PZP: variants seen among roughly 807,000 people sequenced by gnomAD.
PZP encodes PZP alpha-2-macroglobulin like.
A neutral mutation model predicts 179.8 loss-of-function variants in PZP; 150 were observed. That is an observed-to-expected ratio of 0.83 (90% confidence interval 0.73 to 0.96). The LOEUF (loss-of-function observed/expected upper bound fraction) is 0.96, where lower values mean the gene tolerates loss of function less well. PZP is among the 40% of genes least tolerant of loss of function. The pLI, the probability that PZP is intolerant of heterozygous loss-of-function variation, is 0.00. For missense variants in PZP, 1,689 were observed against 1,764.0 expected, an observed-to-expected ratio of 0.96 and a Z score of 0.76; for synonymous variants, 624 against 652.3, an observed-to-expected ratio of 0.96 and a Z score of 0.66.
chr12:9,149,615 G>A lies in PZP; in HGVS notation c.4385-13C>T, dbSNP rs377334564. 109 of 1,612,038 alleles carry A rather than the reference G, an allele frequency of 6.8e-5. 2 individuals carry two copies. The African/African-American group carries it at 1.2e-3, about 17-fold the overall frequency. ...ACCACAGACTCATCTGAAAGATAAC[G>A]TTGGGTGAAGGAAGAAACGAAAGAT... On this transcript the variant is annotated splice_polypyrimidine_tract_variant and intron_variant, in intron 34 of 35. Coordinates refer to ENST00000261336, the MANE Select transcript of PZP (RefSeq NM_002864.3).
chr12:9,154,499 C>T, intron 29 of PZP, 117 bp downstream of exon 29: 1 of 1,043,086 alleles, frequency 9.6e-7, no homozygotes, highest in Non-Finnish European at 1.4e-6. Flanking sequence ...TCAAATATTC[C>T]TAAATACTTC....
At chr12:9,168,390 G>A (rs1476714934) in intron 17 of PZP, 1 of 152,518 alleles carries the variant, frequency 6.6e-6, no homozygotes, top group African/African-American at 2.4e-5. Flanking sequence ...ACCTGGTGAT[G>A]GGACAGATGT....
chr12:9,207,251 C>A (rs773680661), intron 1 of PZP, among the ~76,000 whole-genome samples: 1 of 152,124 alleles, frequency 6.6e-6, no homozygotes, highest in Non-Finnish European at 1.5e-5. Context: ...ACAGGAGACA[C>A]GATAGGCATC....
intron 13 of PZP, among the ~76,000 whole-genome samples, chr12:9,182,636 T>C (rs11049296): frequency 0.24 from 35,775 of 152,122 alleles, 4,325 homozygotes; most frequent in East Asian, 0.36. Context: ...TATAAGTACA[T>C]TGGTATATTT....
At chr12:9,176,832 C>A (rs1292412585) in intron 15 of PZP, among the ~76,000 whole-genome samples, 2 of 152,104 alleles carry the variant, frequency 1.3e-5, no homozygotes, top group Non-Finnish European at 2.9e-5. Context: ...GTGTGTGGGG[C>A]CAAATAACTT....
In PZP at chr12:9,163,856, C is replaced by G. The variant is rs201119614; in HGVS notation, c.2615-67G>C. ...AGTCCAATCACCTTTAAGGGCTGCA[C>G]CTTAAACTTATAGTTGTCCAGAATA... is the stretch of plus-strand genomic sequence containing the variant. On this transcript the variant is annotated intron_variant, in intron 20 of 35. Transcript: ENST00000261336. 13 of 1,518,492 alleles carry G rather than the reference C, an allele frequency of 8.6e-6. No homozygotes were observed. In the East Asian group the frequency reaches 2.9e-4, roughly 34 times the overall value. The allele number at this position is 1,518,492 out of a possible 1,614,324, so 94.1% of individuals were successfully genotyped here.
intron 2 of PZP, 111 bp downstream of exon 2, chr12:9,203,657 C>T (rs1267655397): frequency 7.5e-7 from 1 of 1,331,634 alleles, no homozygotes; most frequent in Non-Finnish European, 1.0e-6. Context: ...GTCCTAACTA[C>T]ATTCTTAAAG....
chr12:9,168,653 T>C (rs1592481898), intron 17 of PZP: 4 of 451,406 alleles, frequency 8.9e-6, no homozygotes, highest in Non-Finnish European at 1.2e-5. Flanking sequence ...TTTTATCTGA[T>C]TTTGTGCCCT....
At chr12:9,160,617 G>T in intron 23 of PZP, 127 bp from the exon 24 acceptor site, 1 of 842,372 alleles carries the variant, frequency 1.2e-6, no homozygotes, top group Non-Finnish European at 1.8e-6. Flanking sequence ...TACACAGAGT[G>T]TGACTTCCAG....
chr12:9,198,549 A>G (rs764666162), intron 7 of PZP, among the ~76,000 whole-genome samples: 2 of 152,286 alleles, frequency 1.3e-5, no homozygotes, highest in Admixed American at 1.3e-4. Context: ...ATGCACAGAG[A>G]AGAGAAGGGA....
rs752555426 is a variant in PZP at position 9,180,851 on chromosome 12, G to C, written c.1839+132C>G. The C allele has an allele frequency of 3.0e-5, 26 of 859,798 alleles. No homozygotes were observed. The African/African-American group carries it at 4.1e-4, about 14-fold the overall frequency. 53.3% of individuals were successfully genotyped at this position (859,798 alleles called of 1,614,324 possible). On this transcript the variant is annotated intron_variant, in intron 15 of 35. Transcript: ENST00000261336. The stretch of plus-strand genomic sequence containing the variant: ...TGCACAGCAAAAGAAACTACCATCA[G>C]AGTGAACAGGCAACCTACAAAATGG...
intron 25 of PZP, among the ~76,000 whole-genome samples, chr12:9,159,286 T>G (rs1007887847): frequency 6.6e-6 from 1 of 152,188 alleles, no homozygotes; most frequent in Non-Finnish European, 1.5e-5. Flanking sequence ...GTTCTCAATT[T>G]TGCCACTTAT....
chr12:9,138,073 A>AGTG, the PZP span, among the ~76,000 whole-genome samples: 2 of 152,042 alleles, frequency 1.3e-5, no homozygotes, highest in Non-Finnish European at 2.9e-5. Context: ...AAGTGGCAAG[A>AGTG]GTGGGCATCA....
chr12:9,164,007 T>C (rs1241176622), intron 20 of PZP, 126 bp downstream of exon 20: 6 of 1,345,592 alleles, frequency 4.5e-6, no homozygotes, highest in Non-Finnish European at 5.0e-6. Context: ...TGGATAGAAA[T>C]AGGAAAAAAA....
rs145240281 is a variant in PZP at position 9,168,938 on chromosome 12, G to A, written c.2038C>T (p.Arg680Ter). 6,830 of 1,613,840 alleles carry A rather than the reference G, an allele frequency of 4.2e-3. 24 individuals are homozygous for A. The highest frequency in any genetic ancestry group is 4.9e-3 in the Non-Finnish European group (5,799 of 1,179,864). ...ATGACTGAACACGACTTTGGTTTTC[G>A]GATTTTTGAGTTAGTGAACACCTTC... ...GLKVFTNSKI[R>*]KPKSCSVIPS... is the part of the protein sequence containing the mutation. Residue 680 changes from arginine (R) to a stop codon, truncating the protein, a stop_gained, in exon 17 of 36, where the codon CGA becomes TGA. Coordinates refer to ENST00000261336, the MANE Select transcript of PZP (RefSeq NM_002864.3). LOFTEE classifies it high-confidence loss of function.
At chr12:9,140,637 G>GA in the PZP span, among the ~76,000 whole-genome samples, 5 of 152,304 alleles carry the variant, frequency 3.3e-5, no homozygotes, top group South Asian at 2.1e-4. Context: ...AGGAATCTGA[G>GA]ATAAGGCCTT....
At chr12:9,160,193 G>A (rs1231509487) in intron 24 of PZP, 121 bp downstream of exon 24, 3 of 1,106,752 alleles carry the variant, frequency 2.7e-6, no homozygotes, top group Non-Finnish European at 3.9e-6. Context: ...ATTAGAGTGT[G>A]GGAAGATTGT....
intron 20 of PZP, 148 bp downstream of exon 20, chr12:9,163,985 A>G: frequency 8.2e-7 from 1 of 1,217,460 alleles, no homozygotes; most frequent in Non-Finnish European, 1.1e-6. Context: ...GAACAGTGGG[A>G]GGAGGTCATA....
rs1386154583 is a variant in PZP, at chr12:9,161,036, GA to G, written c.2868del (p.Leu957TrpfsTer5). 1.9e-6 allele frequency: 3 copies of G among 1,581,172 alleles called. No individual in the cohort carries two copies. Among genetic ancestry groups the G allele is most frequent in the Non-Finnish European group, 2.6e-6 (3 of 1,150,230 alleles). On this transcript the variant is annotated frameshift_variant, in exon 23 of 36. Coordinates refer to ENST00000261336, the MANE Select transcript of PZP (RefSeq NM_002864.3). LOFTEE classifies it high-confidence loss of function. ...TACTAAATGGAAGGTGACTCACCCA[GA>G]ACTGAGAAAGAAGCTCTGGCAGATT... is the stretch of plus-strand genomic sequence containing the variant. ...VKESARASFSVLGDILGSAMQ... is the reference protein window; with the variant it reads ...VKESARASFSXLGDILGSAMQ...
Sources: allele counts gnomAD v4.1 joint callset (sites outside exome capture counted in the v4.1 genomes callset), GRCh38; gene constraint gnomAD v4.1.1; transcripts MANE v1.5; gene names NCBI Gene and HGNC (gene_info 2026-07-23, HGNC 2026-07-21).